Variants in PRKCQ observed in about 807,000 individuals in gnomAD.
PRKCQ encodes protein kinase C theta type.
PRKCQ carries 41 observed loss-of-function variants against 91.2 expected under a neutral mutation model. The observed-to-expected ratio is 0.45, with a 90% CI of 0.35 to 0.58. PRKCQ has a LOEUF of 0.58. Among genes scored for constraint, PRKCQ ranks in the 20% least tolerant of loss-of-function variants. PRKCQ has a pLI of 0.00. For synonymous variants in PRKCQ, 307 were observed against 316.9 expected, an observed-to-expected ratio of 0.97 and a Z score of 0.33; for missense variants, 673 against 896.5, an observed-to-expected ratio of 0.75 and a Z score of 3.18.
the PRKCQ span, among the ~76,000 whole-genome samples, chr10:6,405,548 G>A: frequency 2.0e-5 from 3 of 152,300 alleles, no homozygotes; most frequent in Admixed American, 1.3e-4. Flanking sequence ...GAACTCCAGC[G>A]CCCCGCAAGT....
intron 1 of PRKCQ, among the ~76,000 whole-genome samples, chr10:6,543,107 C>A (rs1839829354): frequency 6.6e-6 from 1 of 152,172 alleles, no homozygotes; most frequent in Non-Finnish European, 1.5e-5. Flanking sequence ...AGAGCTCAGC[C>A]CTTTCAAGCC....
Position 6,465,704 on chromosome 10 carries a change from G to T in PRKCQ, c.1354-1300C>A, listed in dbSNP as rs1379465876. Among the ~76,000 whole-genome samples, 1 of 152,220 alleles carries T rather than the reference G, an allele frequency of 6.6e-6. No individual in the cohort carries two copies. ...GAGGTAATAGTAGAAACATTGTTCT[G>T]GTCTGACAGTGAGACTCCTTGCCTG... On this transcript the variant is annotated intron_variant, in intron 12 of 17. Transcript: ENST00000263125. The surrounding 1 kb of genome is among the most constrained non-coding windows in gnomAD (Gnocchi z 4.4).
At chr10:6,540,895 C>T (rs983528735) in intron 1 of PRKCQ, among the ~76,000 whole-genome samples, 4 of 152,154 alleles carry the variant, frequency 2.6e-5, no homozygotes, top group Non-Finnish European at 5.9e-5. Flanking sequence ...ACACCACCTT[C>T]CCTTTTTTTG....
intron 12 of PRKCQ, among the ~76,000 whole-genome samples, chr10:6,474,917 C>T (rs1387270388): frequency 2.0e-5 from 3 of 151,948 alleles, no homozygotes; most frequent in African/African-American, 4.8e-5. Flanking sequence ...GAGAAGGGAT[C>T]GTGCAATTTC....
intron 1 of PRKCQ, among the ~76,000 whole-genome samples, chr10:6,557,900 C>A (rs187387943): frequency 6.6e-6 from 1 of 152,162 alleles, no homozygotes; most frequent in Non-Finnish European, 1.5e-5. Context: ...CAACCATCTA[C>A]GCAACAAGTC....
intron 8 of PRKCQ, 66 bp downstream of exon 8, chr10:6,491,617 C>A (rs529830364): frequency 2.5e-6 from 4 of 1,585,084 alleles, no homozygotes; most frequent in Non-Finnish European, 3.4e-6. Flanking sequence ...TCCAGTTCCC[C>A]AGAAAGCCTT....
chr10:6,542,532 A>C (rs1383674424), intron 1 of PRKCQ, among the ~76,000 whole-genome samples: 1 of 152,246 alleles, frequency 6.6e-6, no homozygotes, highest in Non-Finnish European at 1.5e-5. Flanking sequence ...AACAGCATTG[A>C]TAGAAACTGT....
intron 16 of PRKCQ, among the ~76,000 whole-genome samples, chr10:6,437,892 A>G (rs1197962573): frequency 6.6e-6 from 1 of 152,012 alleles, no homozygotes; most frequent in African/African-American, 2.4e-5. Flanking sequence ...TGACCTCATG[A>G]CCCGCCCATC....
At chr10:6,487,324 T>C (rs12254757) in intron 8 of PRKCQ, among the ~76,000 whole-genome samples, 4,122 of 152,296 alleles carry the variant, frequency 0.027, 155 homozygotes, top group African/African-American at 0.079. Context: ...TTCTGTCATC[T>C]TTATAAGTCA....
At chr10:6,472,221 T>C (rs1169748844) in intron 12 of PRKCQ, among the ~76,000 whole-genome samples, 1 of 151,802 alleles carries the variant, frequency 6.6e-6, no homozygotes, top group African/African-American at 2.4e-5. Context: ...GGCAGGAGAA[T>C]GGCGTGAACC....
At chr10:6,556,554 A>G (rs1840425224) in intron 1 of PRKCQ, among the ~76,000 whole-genome samples, 1 of 151,936 alleles carries the variant, frequency 6.6e-6, no homozygotes, top group African/African-American at 2.4e-5. Flanking sequence ...ATGGAGAGTT[A>G]CTGCTTACTG....
At chr10:6,433,883 T>C (rs7920048) in intron 16 of PRKCQ, among the ~76,000 whole-genome samples, 27,359 of 151,670 alleles carry the variant, frequency 0.18, 3,175 homozygotes, top group Non-Finnish European at 0.24. Context: ...ATACAAAAAT[T>C]AGCCGGGTGT....
At chr10:6,559,604 C>T (rs1407542196) in intron 1 of PRKCQ, among the ~76,000 whole-genome samples, 1 of 152,180 alleles carries the variant, frequency 6.6e-6, no homozygotes, top group African/African-American at 2.4e-5. Context: ...GGTGATCTGC[C>T]TGCCTCGGCC....
At chr10:6,531,139 C>A (rs1839378028) in intron 1 of PRKCQ, among the ~76,000 whole-genome samples, 1 of 152,152 alleles carries the variant, frequency 6.6e-6, no homozygotes, top group African/African-American at 2.4e-5. Flanking sequence ...CAGCCCCACC[C>A]AGAGCTGCTG....
At chr10:6,546,745 C>T (rs1000955937) in intron 1 of PRKCQ, among the ~76,000 whole-genome samples, 1 of 152,108 alleles carries the variant, frequency 6.6e-6, no homozygotes, top group Admixed American at 6.5e-5. Context: ...CCTAATTGCC[C>T]TGGCCAGAAC....
At chr10:6,454,430 A>C (rs1834898264) in intron 15 of PRKCQ, among the ~76,000 whole-genome samples, 1 of 152,112 alleles carries the variant, frequency 6.6e-6, no homozygotes, top group Non-Finnish European at 1.5e-5. Context: ...TTGAGCTTGG[A>C]GAAGGAATCA....
intron 12 of PRKCQ, among the ~76,000 whole-genome samples, chr10:6,467,385 C>CAGAGAGAG (rs1564324292): frequency 1.3e-4 from 5 of 39,476 alleles, no homozygotes; most frequent in Non-Finnish European, 1.4e-4. Context: ...CAGAGAGAGA[C>CAGAGAGAG]AGACAGAGAG....
intron 15 of PRKCQ, 109 bp from the exon 16 acceptor site, chr10:6,442,190 G>T: frequency 9.2e-7 from 1 of 1,083,062 alleles, no homozygotes; most frequent in Non-Finnish European, 1.3e-6. Flanking sequence ...ATGATGGTGT[G>T]CAAGAAAGAT....
At chr10:6,533,786 GAA>G (rs1839477166) in intron 1 of PRKCQ, among the ~76,000 whole-genome samples, 1 of 152,178 alleles carries the variant, frequency 6.6e-6, no homozygotes, top group Admixed American at 6.5e-5. Context: ...ACGGGAAAGG[GAA>G]AGATTGCTTA....
Sources: allele counts gnomAD v4.1 joint callset (sites outside exome capture counted in the v4.1 genomes callset), GRCh38; gene constraint gnomAD v4.1.1; non-coding constraint Gnocchi (gnomAD v3.1); transcripts MANE v1.5; gene names NCBI Gene and HGNC (gene_info 2026-07-23, HGNC 2026-07-21).